Variants in ZDHHC15 observed in about 807,000 individuals in gnomAD.
The protein encoded by ZDHHC15 is zDHHC palmitoyltransferase 15, also known as palmitoyltransferase ZDHHC15.
A neutral mutation model predicts 31.7 loss-of-function variants in ZDHHC15; 19 were observed. That is an observed-to-expected ratio of 0.60 (90% CI 0.42 to 0.88). ZDHHC15 has a LOEUF of 0.88. Ranked by LOEUF, ZDHHC15 falls within the 40% of genes least tolerant of loss-of-function variation. The probability of loss-of-function intolerance (pLI) is 0.00; values close to 1 mark genes in which losing one functional copy is unlikely to be tolerated. For synonymous variants in ZDHHC15, 103 were observed against 90.0 expected (o/e 1.14, Z -0.82); for missense variants, 209 against 251.2 (o/e 0.83, Z 1.14).
chrX:75,493,337 C>T (rs1456922428), intron 2 of ZDHHC15, among the ~76,000 whole-genome samples: 1 of 111,707 alleles, frequency 9.0e-6, no homozygotes, highest in African/African-American at 3.3e-5. Flanking sequence ...GATTCACAGC[C>T]GAATTGTACC....
intron 2 of ZDHHC15, among the ~76,000 whole-genome samples, chrX:75,484,488 A>G (rs2084745925): frequency 8.9e-6 from 1 of 112,336 alleles, no homozygotes; most frequent in Admixed American, 9.4e-5. Context: ...AAAAATCACA[A>G]GGAGCCTCCA....
At chrX:75,504,301 G>A (rs2085127309) in intron 2 of ZDHHC15, among the ~76,000 whole-genome samples, 1 of 111,149 alleles carries the variant, frequency 9.0e-6, no homozygotes, top group East Asian at 2.8e-4. Context: ...TGCTTTTTGT[G>A]TTTTTTTGCC....
At chrX:75,433,215 T>C (rs758331131) in intron 4 of ZDHHC15, among the ~76,000 whole-genome samples, 2 of 112,105 alleles carry the variant, frequency 1.8e-5, no homozygotes, top group Non-Finnish European at 3.8e-5. Flanking sequence ...CAAGGCTTTT[T>C]GTGCTTGCAG....
At chrX:75,486,230 G>A (rs996521000) in intron 2 of ZDHHC15, among the ~76,000 whole-genome samples, 1 of 111,851 alleles carries the variant, frequency 8.9e-6, no homozygotes, top group Non-Finnish European at 1.9e-5. Flanking sequence ...AATGGATTTA[G>A]GGAGCCAAGC....
At chrX:75,409,018 T>G (rs2083451872) in intron 10 of ZDHHC15, among the ~76,000 whole-genome samples, 1 of 112,048 alleles carries the variant, frequency 8.9e-6, no homozygotes, top group South Asian at 3.7e-4. Flanking sequence ...AAATGTCCAT[T>G]CTACCCAAAG....
At chrX:75,507,931 A>G (rs1284370828) in intron 1 of ZDHHC15, among the ~76,000 whole-genome samples, 1 of 111,125 alleles carries the variant, frequency 9.0e-6, no homozygotes, top group Non-Finnish European at 1.9e-5. Flanking sequence ...GAAGTATACA[A>G]GTAGAAAAAG....
intron 2 of ZDHHC15, among the ~76,000 whole-genome samples, chrX:75,496,615 A>C (rs1451028097): frequency 8.9e-6 from 1 of 112,104 alleles, no homozygotes. Context: ...GACACAAAAA[A>C]GTTTCAATAA....
chrX:75,377,121 A>G (rs2147748708), intron 11 of ZDHHC15, among the ~76,000 whole-genome samples: 1 of 111,832 alleles, frequency 8.9e-6, no homozygotes, highest in East Asian at 2.8e-4. Flanking sequence ...AATTATCTAC[A>G]TACAGTTTAA....
At chrX:75,394,904 C>T (rs2083284041) in intron 10 of ZDHHC15, among the ~76,000 whole-genome samples, 1 of 112,057 alleles carries the variant, frequency 8.9e-6, no homozygotes, top group South Asian at 3.7e-4. Context: ...CATCCAACAG[C>T]TGCAGAATAC....
chrX:75,390,453 G>A (rs761006585), intron 10 of ZDHHC15, among the ~76,000 whole-genome samples: 9 of 111,593 alleles, frequency 8.1e-5, no homozygotes, highest in Non-Finnish European at 3.8e-5. Flanking sequence ...AGTGGTGGTG[G>A]CCACAGGGGC....
At chrX:75,500,362 A>G (rs1414244901) in intron 2 of ZDHHC15, among the ~76,000 whole-genome samples, 1 of 110,599 alleles carries the variant, frequency 9.0e-6, no homozygotes, top group Non-Finnish European at 1.9e-5. Flanking sequence ...ATATATTTGT[A>G]TATAGTAACA....
intron 2 of ZDHHC15, among the ~76,000 whole-genome samples, chrX:75,492,459 C>T (rs780526722): frequency 9.0e-6 from 1 of 111,466 alleles, no homozygotes; most frequent in African/African-American, 3.3e-5. Context: ...ACTCTCCACC[C>T]CAAGTCAACA....
At chrX:75,513,711 A>C (rs995677175) in intron 1 of ZDHHC15, among the ~76,000 whole-genome samples, 1 of 111,819 alleles carries the variant, frequency 8.9e-6, no homozygotes, top group Non-Finnish European at 1.9e-5. Flanking sequence ...AATGATGGCT[A>C]AAAAACTTCA....
intron 2 of ZDHHC15, among the ~76,000 whole-genome samples, chrX:75,504,737 A>G (rs1173906395): frequency 9.0e-6 from 1 of 111,366 alleles, no homozygotes; most frequent in Non-Finnish European, 1.9e-5. Context: ...AAATATTTAT[A>G]TATAATTATT....
chrX:75,474,571 T>TACACACAC (rs1209885057), intron 3 of ZDHHC15, among the ~76,000 whole-genome samples: 2 of 22,758 alleles, frequency 8.8e-5, no homozygotes, highest in Admixed American at 2.0e-3. Context: ...TAATCCCCTT[T>TACACACAC]ATACACACAC....
intron 3 of ZDHHC15, among the ~76,000 whole-genome samples, chrX:75,453,672 T>A (rs1025718958): frequency 9.1e-6 from 1 of 110,308 alleles, no homozygotes; most frequent in Non-Finnish European, 1.9e-5. Context: ...CAGCAGCACA[T>A]CAAAAAGCTA....
chrX:75,380,335 T>C (rs1397885945), intron 10 of ZDHHC15, among the ~76,000 whole-genome samples: 1 of 112,213 alleles, frequency 8.9e-6, no homozygotes, highest in East Asian at 2.8e-4. Context: ...AAAGAAGTGA[T>C]GCTAATTCTT....
chrX:75,460,659 T>C (rs190380309), intron 3 of ZDHHC15, among the ~76,000 whole-genome samples: 9 of 108,967 alleles, frequency 8.3e-5, no homozygotes, highest in Non-Finnish European at 1.7e-4. Flanking sequence ...ATGAGGCAAG[T>C]AGGGTCTGGA....
At chrX:75,451,594 G>A (rs1602647663) in intron 3 of ZDHHC15, among the ~76,000 whole-genome samples, 1 of 111,340 alleles carries the variant, frequency 9.0e-6, no homozygotes, top group Non-Finnish European at 1.9e-5. Context: ...AGGGTAGACT[G>A]AGTTGAAAAA....
Sources: gnomAD v4.1 joint callset for allele counts (sites outside exome capture counted in the v4.1 genomes callset) on GRCh38, gnomAD v4.1.1 for gene constraint, MANE v1.5 for transcripts, NCBI Gene and HGNC (gene_info 2026-07-23, HGNC 2026-07-21) for gene names.